IL3RA: variants seen among roughly 807,000 people sequenced by gnomAD.
IL3RA encodes the protein interleukin-3 receptor subunit alpha.
A neutral mutation model predicts 52.3 loss-of-function variants in IL3RA; 73 were observed. That is an observed-to-expected ratio of 1.40 (90% CI 1.16 to 1.70). IL3RA has a LOEUF of 1.70. IL3RA is among the 40% of genes most tolerant of loss of function. The probability of loss-of-function intolerance (pLI) is 0.00; values close to 1 mark genes in which losing one functional copy is unlikely to be tolerated. For synonymous variants in IL3RA, 260 were observed against 194.0 expected, an observed-to-expected ratio of 1.34 and a Z score of -2.83; for missense variants, 664 against 504.4, an observed-to-expected ratio of 1.32 and a Z score of -3.03.
intron 1 of IL3RA, among the ~76,000 whole-genome samples, 191 bp downstream of exon 1, chrX:1,337,117 G>A (rs1382058869): frequency 2.0e-5 from 3 of 152,196 alleles, no homozygotes; most frequent in Non-Finnish European, 4.4e-5. Context: ...GTATGTTTGC[G>A]ATCTCATTCA....
chrX:1,360,041 CTCTG>C lies in IL3RA; in HGVS notation c.759+1162_759+1165del, dbSNP rs1373076920. Among the ~76,000 whole-genome samples, 26 of 149,014 alleles carry C rather than the reference CTCTG, an allele frequency of 1.7e-4. 1 individual carries two copies. The highest frequency in any genetic ancestry group is 3.0e-4 in the Non-Finnish European group (20 of 67,158). On this transcript the variant is annotated intron_variant, in intron 8 of 11. Transcript: ENST00000331035. ...TCTTCCCTTCTCCCCATCTCTCTCTCTCTGTCTGTCTCTGTATCTCTCTCCCTTT... is the reference window on the plus strand; with the variant it reads ...TCTTCCCTTCTCCCCATCTCTCTCTCTCTGTCTCTGTATCTCTCTCCCTTT...
chrX:1,357,236 G>T (rs1453772425), intron 7 of IL3RA, among the ~76,000 whole-genome samples: 4 of 152,102 alleles, frequency 2.6e-5, no homozygotes, highest in Non-Finnish European at 4.4e-5. Flanking sequence ...TTACAGGTGT[G>T]AGCCTTCGTG....
chrX:1,337,611 AGGTG>A (rs2085358627), intron 1 of IL3RA, among the ~76,000 whole-genome samples: 1 of 151,536 alleles, frequency 6.6e-6, no homozygotes, highest in Non-Finnish European at 1.5e-5. Context: ...AATAGCCAAG[AGGTG>A]GAGACAGCCC....
intron 6 of IL3RA, among the ~76,000 whole-genome samples, chrX:1,355,504 C>T (rs1332976005): frequency 6.7e-6 from 1 of 149,072 alleles, no homozygotes; most frequent in African/African-American, 2.5e-5. Context: ...GGACTTCCTT[C>T]CAGGGGCCCA....
intron 6 of IL3RA, among the ~76,000 whole-genome samples, chrX:1,353,975 CA>C (rs201090858): frequency 0.079 from 5,015 of 63,694 alleles, 688 homozygotes; most frequent in African/African-American, 0.1. Flanking sequence ...GTGGGACCCC[CA>C]CCCCCATCAT....
chrX:1,356,108 C>G lies in IL3RA; in HGVS notation c.617-113C>G, dbSNP rs1357372532. The stretch of plus-strand genomic sequence containing the variant: ...CTTCCTGGTGTTTTTCTCTCCCGCT[C>G]TCCAAATGCATAGGAGAAGTAATTT... On this transcript the variant is annotated intron_variant, in intron 6 of 11. Coordinates refer to ENST00000331035, the MANE Select transcript of IL3RA (RefSeq NM_002183.4). 6.9e-6 allele frequency: 5 copies of G among 720,124 alleles called. No homozygotes were observed. The East Asian group carries it at 1.3e-4, about 18-fold the overall frequency. The allele number at this position is 720,124 out of a possible 1,614,324, so 44.6% of individuals were successfully genotyped here. A position where few individuals can be genotyped will look rare whatever the true frequency, so the allele number is the denominator to read the frequency against.
intron 4 of IL3RA, 28 bp from the exon 5 acceptor site, chrX:1,352,072 G>C (rs369933268): frequency 5.6e-6 from 9 of 1,611,842 alleles, no homozygotes; most frequent in Non-Finnish European, 7.6e-6. Context: ...GTCCCGATTC[G>C]AGTTCTCTTT....
In IL3RA at chrX:1,357,302, ATTTAT is replaced by A. The variant is rs773582758; in HGVS notation, c.732+969_732+973del. Among the ~76,000 whole-genome samples, 223 of 151,350 alleles carry A rather than the reference ATTTAT, an allele frequency of 1.5e-3. 1 individual carries two copies. The highest frequency in any genetic ancestry group is 4.9e-3 in the African/African-American group (202 of 41,206). ...TTTATTTTATTGTATTTTATTATTT[ATTTAT>A]TTATTTTTGAGACGGAGTCCTGCTC... On this transcript the variant is annotated intron_variant, in intron 7 of 11. Coordinates refer to ENST00000331035, the MANE Select transcript of IL3RA (RefSeq NM_002183.4).
intron 8 of IL3RA, among the ~76,000 whole-genome samples, chrX:1,363,952 G>A (rs1166581883): frequency 2.6e-5 from 4 of 151,904 alleles, no homozygotes; most frequent in Non-Finnish European, 5.9e-5. Flanking sequence ...GGAGGCCGAG[G>A]CGGGTGGATC....
chrX:1,345,553 G>A lies in IL3RA; in HGVS notation c.183+119G>A, dbSNP rs528206340. The A allele has an allele frequency of 6.9e-4, 405 of 585,964 alleles. 8 individuals carry two copies. The South Asian group carries it at 0.01, about 15-fold the overall frequency. The allele number at this position is 585,964 out of a possible 1,614,324, so 36.3% of individuals were successfully genotyped here. On this transcript the variant is annotated intron_variant, in intron 3 of 11. Transcript: ENST00000331035. ...CGCCCAGGCTGGACTGCGGTGACCC[G>A]ATCTCCGCTCTCTGCAACCTCCACC...
chrX:1,367,584 G>C (rs1219388503), intron 9 of IL3RA, among the ~76,000 whole-genome samples: 2 of 98,192 alleles, frequency 2.0e-5, no homozygotes, highest in African/African-American at 4.7e-5. Flanking sequence ...CGGGGTGAGC[G>C]GGGTGAGCCG....
At chrX:1,377,413 G>T (rs1297323013) in intron 9 of IL3RA, among the ~76,000 whole-genome samples, 1 of 151,872 alleles carries the variant, frequency 6.6e-6, no homozygotes. Context: ...GCTACTGTTT[G>T]TATTTTTATT....
intron 1 of IL3RA, among the ~76,000 whole-genome samples, chrX:1,340,823 A>T (rs1307960636): frequency 4.6e-5 from 7 of 152,128 alleles, no homozygotes; most frequent in Non-Finnish European, 5.9e-5. Context: ...CTACTAAAAA[A>T]TACAAAAAGT....
chrX:1,352,057 G>C, intron 4 of IL3RA, 43 bp from the exon 5 acceptor site: 1 of 1,606,062 alleles, frequency 6.2e-7, no homozygotes, highest in Admixed American at 1.7e-5. Flanking sequence ...GAGCCACCGC[G>C]CCCGGTCCCG....
chrX:1,347,861 A>AC (rs2085825562), intron 3 of IL3RA, among the ~76,000 whole-genome samples: 1 of 150,512 alleles, frequency 6.6e-6, no homozygotes, highest in Non-Finnish European at 1.5e-5. Flanking sequence ...ACACGGTGAA[A>AC]CCCCGTCTCT....
chrX:1,348,879 C>G (rs1360856613), intron 4 of IL3RA, among the ~76,000 whole-genome samples: 36 of 54,994 alleles, frequency 6.5e-4, no homozygotes, highest in African/African-American at 3.0e-4. Context: ...CCTTCCTTCC[C>G]TTTCGTTTTC....
At chrX:1,363,502 G>GTGTTAGCCAGGA (rs1556634647) in intron 8 of IL3RA, among the ~76,000 whole-genome samples, 47 of 151,070 alleles carry the variant, frequency 3.1e-4, no homozygotes, top group Non-Finnish European at 4.7e-4. Context: ...GGGTTTCACT[G>GTGTTAGCCAGGA]TGGTCTCGAT....
At chrX:1,378,591 A>C (rs2088960211) in intron 9 of IL3RA, 68 bp from the exon 10 acceptor site, 3 of 1,354,982 alleles carry the variant, frequency 2.2e-6, no homozygotes, top group Non-Finnish European at 3.1e-6. Flanking sequence ...GGCCCCGGGG[A>C]GAGCTTACAG....
chrX:1,359,079 G>A (rs1194570134), intron 8 of IL3RA, among the ~76,000 whole-genome samples, 192 bp downstream of exon 8: 2 of 151,828 alleles, frequency 1.3e-5, no homozygotes, highest in Non-Finnish European at 2.9e-5. Context: ...CACCCTTACT[G>A]CGATCTTGCA....
Sources: gnomAD v4.1 joint callset for allele counts (sites outside exome capture counted in the v4.1 genomes callset) on GRCh38, gnomAD v4.1.1 for gene constraint, MANE v1.5 for transcripts, NCBI Gene and HGNC (gene_info 2026-07-23, HGNC 2026-07-21) for gene names.